Variants in RETSAT observed in about 807,000 individuals in gnomAD.
The protein encoded by RETSAT is retinol saturase, also known as all-trans-retinol 13,14-reductase.
Under a neutral mutation model 61.6 loss-of-function variants are expected in RETSAT, and 35 were observed. The ratio of observed to expected loss-of-function variants is 0.57; its 90% CI spans 0.43 to 0.75. RETSAT has a LOEUF of 0.75. RETSAT is among the 30% of genes least tolerant of loss of function. The probability of loss-of-function intolerance (pLI) is 0.00; values close to 1 mark genes in which losing one functional copy is unlikely to be tolerated. For synonymous variants in RETSAT, 277 were observed against 310.4 expected (o/e 0.89, Z 1.13); for missense variants, 670 against 759.5 (o/e 0.88, Z 1.38).
intron 6 of RETSAT, among the ~76,000 whole-genome samples, chr2:85,345,297 C>T (rs1683175054): frequency 6.6e-6 from 1 of 152,278 alleles, no homozygotes; most frequent in South Asian, 2.1e-4. Context: ...ATGCGGAAAG[C>T]CAGGACCTCG....
At chr2:85,347,325 G>A (rs967556993) in intron 5 of RETSAT, among the ~76,000 whole-genome samples, 6 of 152,102 alleles carry the variant, frequency 3.9e-5, no homozygotes, top group Admixed American at 3.9e-4. Context: ...CGCCTCCCAG[G>A]TTCAAGCAAT....
Position 85,344,055 on chromosome 2 carries a change from A to C in RETSAT, c.1477T>G (p.Phe493Val). Reference sequence around the variant, plus strand: ...ACCACTGACATAGAGGCTTCCACAAAGGAGTTTTTGAAGGTCTCATAGTCA... The same window carrying C: ...ACCACTGACATAGAGGCTTCCACAACGGAGTTTTTGAAGGTCTCATAGTCA... ...GSDYETFKNS[F>V]VEASMSVVLK... The change falls in exon 9 of 11, where the codon TTT (phenylalanine) becomes GTT (valine). Residue 493 changes from phenylalanine (F) to valine (V), a missense_variant. Transcript: ENST00000295802. 6.2e-7 allele frequency: 1 copy of C among 1,614,064 alleles called. No individual in the cohort carries two copies. The highest frequency in any genetic ancestry group is 1.1e-5 in the South Asian group (1 of 91,084).
intron 5 of RETSAT, among the ~76,000 whole-genome samples, chr2:85,349,061 T>G (rs931469241): frequency 2.6e-5 from 4 of 151,904 alleles, no homozygotes; most frequent in Non-Finnish European, 5.9e-5. Flanking sequence ...ATTTTTGTTT[T>G]TTTTTTTTTA....
chr2:85,351,930 C>T, intron 1 of RETSAT, 68 bp from the exon 2 acceptor site: 2 of 1,477,164 alleles, frequency 1.4e-6, no homozygotes, highest in Non-Finnish European at 1.8e-6. Flanking sequence ...ATAGGGAAAC[C>T]AAAGAAGACT....
chr2:85,349,759 C>A (rs1396536403), intron 4 of RETSAT, 178 bp from the exon 5 acceptor site: 3 of 653,318 alleles, frequency 4.6e-6, no homozygotes, highest in African/African-American at 1.8e-5. Context: ...CCTTAGAGAT[C>A]TTGGCGCCAG....
rs753999640 is a variant in RETSAT at position 85,344,284 on chromosome 2, C to T, written c.1321G>A (p.Ala441Thr). Residue 441 changes from alanine (A) to threonine (T), a missense_variant, in exon 8 of 11, where the codon GCT becomes ACT. Transcript: ENST00000295802. ...GTCGGATCTTTGGCTGATGGGAAAG[C>T]GAAGAAGAGAAGAGGGATGTGTTCC... Reference protein sequence around the residue: ...AAEHIPLLFFAFPSAKDPTWE... With the variant: ...AAEHIPLLFFTFPSAKDPTWE... 1.1e-5 allele frequency: 18 copies of T among 1,614,092 alleles called. No homozygotes were observed. The highest frequency in any genetic ancestry group is 1.5e-5 in the Non-Finnish European group (18 of 1,180,022).
chr2:85,352,442 G>T (rs554346496), intron 1 of RETSAT, among the ~76,000 whole-genome samples: 13 of 151,984 alleles, frequency 8.6e-5, no homozygotes, highest in Non-Finnish European at 1.6e-4. Context: ...AGTAGAGATG[G>T]GGTTTCACCA....
rs781381384 is a variant in RETSAT at position 85,349,587 on chromosome 2, GAAGC to G, written c.800-10_800-7del. ...ACTGTGGTTGGGGGTGACACCTGCA[GAAGC>G]AAGGAAGGGTGGTGAGCTGGCAAGA... On this transcript the variant is annotated splice_polypyrimidine_tract_variant and splice_region_variant and intron_variant, in intron 4 of 10. Coordinates refer to ENST00000295802, the MANE Select transcript of RETSAT (RefSeq NM_017750.4). 9.3e-6 allele frequency: 15 copies of G among 1,613,700 alleles called. No homozygotes were observed. The East Asian group carries it at 3.1e-4, about 34-fold the overall frequency.
chr2:85,350,720 T>C, intron 3 of RETSAT, 60 bp downstream of exon 3: 3 of 1,604,012 alleles, frequency 1.9e-6, no homozygotes, highest in East Asian at 2.2e-5. Context: ...CCTCCACTAA[T>C]AATAAAGAAA....
intron 6 of RETSAT, among the ~76,000 whole-genome samples, chr2:85,344,993 G>A (rs1683169549): frequency 6.6e-6 from 1 of 152,196 alleles, no homozygotes; most frequent in African/African-American, 2.4e-5. Context: ...GGGCTGCCTG[G>A]CCAGGACAGT....
intron 4 of RETSAT, chr2:85,349,824 T>G: frequency 8.0e-6 from 5 of 628,238 alleles, no homozygotes; most frequent in Middle Eastern, 8.6e-4. Flanking sequence ...AGGATAGTGT[T>G]GCTTGAATTG....
chr2:85,353,546 A>G (rs933795953), intron 1 of RETSAT, among the ~76,000 whole-genome samples: 1 of 152,248 alleles, frequency 6.6e-6, no homozygotes, highest in Non-Finnish European at 1.5e-5. Flanking sequence ...TTTTTAGACC[A>G]GCCCAGGTAG....
At chr2:85,349,607 G>C in intron 4 of RETSAT, 26 bp from the exon 5 acceptor site, 1 of 1,600,612 alleles carries the variant, frequency 6.2e-7, no homozygotes, top group Non-Finnish European at 8.6e-7. Context: ...AGGGTGGTGA[G>C]CTGGCAAGAG....
At position 85,342,981 on chromosome 2, in the gene RETSAT, A is replaced by T; in HGVS notation, c.*261T>A. 1 of 378,050 alleles carries T rather than the reference A, an allele frequency of 2.6e-6. No homozygotes were observed. Among genetic ancestry groups the T allele is most frequent in the Non-Finnish European group, 4.9e-6 (1 of 202,606 alleles). The allele number at this position is 378,050 out of a possible 1,614,324, so 23.4% of individuals were successfully genotyped here. A position where few individuals can be genotyped will look rare whatever the true frequency, so the allele number is the denominator to read the frequency against. Reference sequence around the variant, plus strand: ...TGCAGAGCGCCGCTCGTCATGAGACATCAAGCTATCCAAGTCAATATCCTA... The same window carrying T: ...TGCAGAGCGCCGCTCGTCATGAGACTTCAAGCTATCCAAGTCAATATCCTA... On this transcript the variant is annotated 3_prime_UTR_variant, in exon 11 of 11. Transcript: ENST00000295802.
In RETSAT at chr2:85,350,106, C is replaced by G; in HGVS notation, c.733G>C (p.Val245Leu). ...GAGGAGGCCCCCAGCTGCTGCAGGA[C>G]CTCAGCCAGGCTCTGGGTGGATGCT... is the stretch of plus-strand genomic sequence containing the variant. ...LQASTQSLAE[V>L]LQQLGASSEL... The change falls in exon 4 of 11, where the codon GTC becomes CTC. Residue 245 changes from valine to leucine, a missense_variant. Val to Leu is a conservative substitution (Grantham distance 32). Transcript: ENST00000295802. 6.2e-7 allele frequency: 1 copy of G among 1,613,980 alleles called. No homozygotes were observed. Among genetic ancestry groups the G allele is most frequent in the Non-Finnish European group, 8.5e-7 (1 of 1,180,034 alleles).
chr2:85,343,896 C>A, intron 9 of RETSAT, 98 bp from the exon 10 acceptor site: 3 of 1,586,486 alleles, frequency 1.9e-6, no homozygotes, highest in Non-Finnish European at 2.6e-6. Context: ...GTGCCCTGTC[C>A]TTCCCTGGGG....
chr2:85,350,974 TA>T lies in RETSAT; in HGVS notation c.402del (p.Phe134LeufsTer62), dbSNP rs534908680. 2.1e-3 allele frequency: 3,448 copies of T among 1,614,104 alleles called. 24 individuals are homozygous for T. Among genetic ancestry groups the T allele is most frequent in the East Asian group, 5.1e-3 (228 of 44,870 alleles). On this transcript the variant is annotated frameshift_variant, in exon 3 of 11. Coordinates refer to ENST00000295802, the MANE Select transcript of RETSAT (RefSeq NM_017750.4). LOFTEE classifies it high-confidence loss of function. ...GRMEEGSIGR[F>X]ILDQITEGQL... The stretch of plus-strand genomic sequence containing the variant: ...TGCCCTTCAGTGATCTGGTCCAAGA[TA>T]AAACGGCCAATGCTGCCCTCTTCCA...
At chr2:85,350,397 A>T (rs1683278662) in intron 3 of RETSAT, among the ~76,000 whole-genome samples, 156 bp from the exon 4 acceptor site, 1 of 152,164 alleles carries the variant, frequency 6.6e-6, no homozygotes, top group Non-Finnish European at 1.5e-5. Context: ...ATACTCTGTG[A>T]ATTTTTCCCA....
chr2:85,350,242 C>G lies in RETSAT; in HGVS notation c.598-1G>C, dbSNP rs376836994. 18 of 1,612,954 alleles carry G rather than the reference C, an allele frequency of 1.1e-5. No homozygotes were observed. The highest frequency in any genetic ancestry group is 5.0e-5 in the Admixed American group (3 of 59,990). On this transcript the variant is annotated splice_acceptor_variant, in intron 3 of 10. Transcript: ENST00000295802. LOFTEE classifies it high-confidence loss of function. ...CATGAGGGGCTCCACTGGATACCAC[C>G]TGGGGGAGTGAATGAGGACAGCAGG...
Sources: gnomAD v4.1 joint callset for allele counts (sites outside exome capture counted in the v4.1 genomes callset) on GRCh38, gnomAD v4.1.1 for gene constraint, MANE v1.5 for transcripts, NCBI Gene and HGNC (gene_info 2026-07-23, HGNC 2026-07-21) for gene names.